Variants in ARHGAP21 observed in about 807,000 individuals in gnomAD.
ARHGAP21 encodes the protein rho GTPase-activating protein 21.
A neutral mutation model predicts 164.6 loss-of-function variants in ARHGAP21; 38 were observed. That is an observed-to-expected ratio of 0.23 (90% confidence interval 0.18 to 0.30). The LOEUF (loss-of-function observed/expected upper bound fraction) is 0.30. Among genes scored for constraint, ARHGAP21 ranks in the 10% least tolerant of loss-of-function variants. The probability of loss-of-function intolerance (pLI) is 1.00; values close to 1 mark genes in which losing one functional copy is unlikely to be tolerated. For synonymous variants in ARHGAP21, 766 were observed against 857.9 expected (o/e 0.89, Z 1.87); for missense variants, 1,822 against 2,370.7 (o/e 0.77, Z 4.81).
intron 2 of ARHGAP21, among the ~76,000 whole-genome samples, chr10:24,703,500 A>G (rs142328746): frequency 9.9e-4 from 151 of 152,310 alleles, no homozygotes; most frequent in Non-Finnish European, 1.5e-3. Context: ...ACTGCCACAG[A>G]GCCAGGAACA....
Position 24,689,899 on chromosome 10 carries a change from TATATATAC to T in ARHGAP21, c.64-19510_64-19503del, listed in dbSNP as rs1382413258. Among the ~76,000 whole-genome samples, 3 of 41,760 alleles carry T rather than the reference TATATATAC, an allele frequency of 7.2e-5. No homozygotes were observed. The East Asian group carries it at 1.5e-3, about 20-fold the overall frequency. 27.4% of individuals were successfully genotyped at this position (41,760 alleles called of 152,430 possible). A position where few individuals can be genotyped will look rare whatever the true frequency, so the allele number is the denominator to read the frequency against. On this transcript the variant is annotated intron_variant, in intron 2 of 25. Coordinates refer to ENST00000396432, the MANE Select transcript of ARHGAP21 (RefSeq NM_020824.4). ...ACATGTATATATGTATATGTATGTGTATATATACATGTATATATGTATATGTATGTATA... is the reference window on the plus strand; with the variant it reads ...ACATGTATATATGTATATGTATGTGTATGTATATATGTATATGTATGTATA...
At chr10:24,715,011 C>T (rs564953014) in intron 2 of ARHGAP21, among the ~76,000 whole-genome samples, 1 of 141,824 alleles carries the variant, frequency 7.1e-6, no homozygotes, top group South Asian at 2.2e-4. Context: ...GCCTGGGCGA[C>T]AGAGTGAGAG....
At chr10:24,704,404 C>T (rs537212255) in intron 2 of ARHGAP21, among the ~76,000 whole-genome samples, 1 of 151,474 alleles carries the variant, frequency 6.6e-6, no homozygotes, top group African/African-American at 2.4e-5. Context: ...GATCCTCCCA[C>T]CTCAGCCTCC....
rs1416517091 is a variant in ARHGAP21 at position 24,620,273 on chromosome 10, C to A, written c.1622G>T (p.Cys541Phe). The A allele has an allele frequency of 7.4e-6, 12 of 1,613,830 alleles. No individual in the cohort carries two copies. The highest frequency in any genetic ancestry group is 9.3e-6 in the Non-Finnish European group (11 of 1,179,876). ...FTEQDDRRGI[C>F]ERPRQQEIHK... is the part of the protein sequence containing the mutation. ...AATTTCTTGCTGCCTAGGTCTTTCA[C>A]AAATACCTCGTCTATCATCCTGTTC... Residue 541 changes from cysteine to phenylalanine, a missense_variant, in exon 9 of 26, where the codon TGT (cysteine) becomes TTT (phenylalanine). This residue lies in a region of ARHGAP21 where 1,090 missense variants were observed against 1,378.9 expected (regional missense o/e 0.79). Coordinates refer to ENST00000396432, the MANE Select transcript of ARHGAP21 (RefSeq NM_020824.4).
At chr10:24,590,073 A>G in intron 24 of ARHGAP21, 1 of 750,228 alleles carries the variant, frequency 1.3e-6, no homozygotes, top group Non-Finnish European at 1.8e-6. Flanking sequence ...TATTCAGGAT[A>G]ATACCAATTT....
chr10:24,716,043 A>G (rs918226484), intron 2 of ARHGAP21, among the ~76,000 whole-genome samples: 1 of 152,202 alleles, frequency 6.6e-6, no homozygotes, highest in Admixed American at 6.5e-5. Context: ...TTCACATACT[A>G]CATGTCCAAA....
chr10:24,603,212 G>A (rs781611607), intron 12 of ARHGAP21, among the ~76,000 whole-genome samples: 8 of 152,182 alleles, frequency 5.3e-5, no homozygotes, highest in Non-Finnish European at 8.8e-5. Context: ...AGCCTGCAGA[G>A]GGGATGGAGA....
chr10:24,684,540 C>CA (rs1842047779), intron 2 of ARHGAP21, among the ~76,000 whole-genome samples: 1 of 152,162 alleles, frequency 6.6e-6, no homozygotes, highest in East Asian at 1.9e-4. Flanking sequence ...CTTGCTGAAA[C>CA]AAAAACTCCT....
At chr10:24,634,223 G>A (rs910035307) in intron 5 of ARHGAP21, among the ~76,000 whole-genome samples, 3 of 151,720 alleles carry the variant, frequency 2.0e-5, no homozygotes, top group Admixed American at 6.6e-5. Context: ...TTTAAATCAG[G>A]CTTACTTTAA....
intron 13 of ARHGAP21, 64 bp from the exon 14 acceptor site, chr10:24,600,994 C>A: frequency 6.5e-7 from 1 of 1,547,098 alleles, no homozygotes; most frequent in African/African-American, 1.4e-5. Flanking sequence ...ACAGGATAAG[C>A]ACATTAAGCA....
Position 24,723,823 on chromosome 10 carries a change from C to CCCTCG in ARHGAP21, c.-647_-643dup, listed in dbSNP as rs1437323221. ...GCGGGGCGGCGGCCGCCGGACTCTC[C>CCCTCG]CCTCGCCTCGCCGGGCCGGGCCGGG... On this transcript the variant is annotated 5_prime_UTR_variant, in exon 1 of 26. Transcript: ENST00000396432. 3.3e-5 allele frequency among the ~76,000 whole-genome samples: 5 copies of CCCTCG among 149,538 alleles called. No homozygotes were observed. In the South Asian group the frequency reaches 8.3e-4, roughly 25 times the overall value.
At chr10:24,711,529 C>G (rs931357480) in intron 2 of ARHGAP21, among the ~76,000 whole-genome samples, 3 of 152,162 alleles carry the variant, frequency 2.0e-5, no homozygotes, top group African/African-American at 7.2e-5. Context: ...ATAATATTCA[C>G]GTAACTATCT....
chr10:24,637,350 T>C (rs1836485707), intron 4 of ARHGAP21, among the ~76,000 whole-genome samples: 1 of 152,246 alleles, frequency 6.6e-6, no homozygotes, highest in African/African-American at 2.4e-5. Flanking sequence ...GTCAATCTAA[T>C]ATTTACAATA....
intron 16 of ARHGAP21, 143 bp from the exon 17 acceptor site, chr10:24,597,025 G>T: frequency 1.2e-6 from 1 of 861,658 alleles, no homozygotes; most frequent in Non-Finnish European, 1.7e-6. Context: ...ACAAAAATAT[G>T]TTCTCTTCCA....
chr10:24,585,260 T>G lies in ARHGAP21; in HGVS notation c.5029A>C (p.Thr1677Pro), dbSNP rs368102858. The G allele has an allele frequency of 1.3e-4, 208 of 1,606,742 alleles. No homozygotes were observed. The highest frequency in any genetic ancestry group is 1.6e-4 in the Non-Finnish European group (190 of 1,178,764). Residue 1677 changes from threonine to proline, a missense_variant, in exon 26 of 26, where the codon ACC becomes CCC. Physicochemically the swap from Thr to Pro is conservative, Grantham distance 38. Transcript: ENST00000396432. ...RNSEGSELSC[T>P]EGSLTSSLDS... is the part of the protein sequence containing the mutation. ...AAACTTGATGTTAAACTTCCCTCGG[T>G]GCAACTTAATTCACTTCCTTCAGAA... is the stretch of plus-strand genomic sequence containing the variant.
At chr10:24,684,035 C>A (rs1426837555) in intron 2 of ARHGAP21, among the ~76,000 whole-genome samples, 8 of 152,138 alleles carry the variant, frequency 5.3e-5, no homozygotes, top group Non-Finnish European at 1.0e-4. Context: ...ACCTGTAATC[C>A]CAGCACATTG....
intron 4 of ARHGAP21, among the ~76,000 whole-genome samples, chr10:24,663,917 C>A (rs1212070397): frequency 6.6e-6 from 1 of 152,128 alleles, no homozygotes; most frequent in African/African-American, 2.4e-5. Context: ...ATATATACTC[C>A]CCCTCTCCCA....
chr10:24,676,081 G>A (rs1052395756), intron 2 of ARHGAP21, among the ~76,000 whole-genome samples: 4 of 152,210 alleles, frequency 2.6e-5, no homozygotes, highest in African/African-American at 9.6e-5. Context: ...CTGGCAGGCG[G>A]AGGCTGCAGT....
chr10:24,622,964 T>A, intron 7 of ARHGAP21: 1 of 506,206 alleles, frequency 2.0e-6, no homozygotes, highest in Non-Finnish European at 3.5e-6. Context: ...GGCTTTTATC[T>A]GATTCTTGTT....
Sources: gnomAD v4.1 joint callset for allele counts (sites outside exome capture counted in the v4.1 genomes callset) on GRCh38, gnomAD v4.1.1 for gene constraint, gnomAD v4.1.1 regional missense constraint, MANE v1.5 for transcripts, NCBI Gene and HGNC (gene_info 2026-07-23, HGNC 2026-07-21) for gene names.